Variants in MRTFB observed in about 807,000 individuals in gnomAD.
The protein encoded by MRTFB is myocardin related transcription factor B.
Under a neutral mutation model 104.2 loss-of-function variants are expected in MRTFB, and 29 were observed. The ratio of observed to expected loss-of-function variants is 0.28; its 90% CI spans 0.21 to 0.38. The LOEUF (loss-of-function observed/expected upper bound fraction) is 0.38. Among genes scored for constraint, MRTFB ranks in the 10% least tolerant of loss-of-function variants. The pLI is 1.00. For missense variants in MRTFB, 1,270 were observed against 1,341.6 expected, an observed-to-expected ratio of 0.95 and a Z score of 0.83; for synonymous variants, 535 against 519.5, an observed-to-expected ratio of 1.03 and a Z score of -0.41.
At chr16:14,030,591 C>T in the MRTFB span, among the ~76,000 whole-genome samples, 4 of 152,128 alleles carry the variant, frequency 2.6e-5, no homozygotes, top group Admixed American at 1.3e-4. Flanking sequence ...TGACTGTGTG[C>T]CAAAAACCAT....
At chr16:14,092,912 AT>A (rs1462837679) in intron 2 of MRTFB, 1 of 152,222 alleles carries the variant, frequency 6.6e-6, no homozygotes, top group Admixed American at 6.5e-5. Flanking sequence ...CCAGACTTAA[AT>A]TTTGTAGTCT....
At chr16:14,235,315 T>C (rs1231394075) in intron 9 of MRTFB, among the ~76,000 whole-genome samples, 4 of 152,176 alleles carry the variant, frequency 2.6e-5, no homozygotes, top group African/African-American at 7.2e-5. Flanking sequence ...TTGCTTAGCA[T>C]TGGAGTCGGA....
At chr16:14,052,084 G>A in the MRTFB span, among the ~76,000 whole-genome samples, 1 of 152,020 alleles carries the variant, frequency 6.6e-6, no homozygotes, top group Non-Finnish European at 1.5e-5. Flanking sequence ...CCTTACACAA[G>A]CTTAAAATGC....
At chr16:14,002,385 A>G in the MRTFB span, among the ~76,000 whole-genome samples, 2 of 145,242 alleles carry the variant, frequency 1.4e-5, no homozygotes, top group African/African-American at 2.5e-5. Context: ...TCCGTCCGGG[A>G]AAAAAAAAAA....
At chr16:14,152,719 G>T (rs1006164895) in intron 3 of MRTFB, 1 of 152,144 alleles carries the variant, frequency 6.6e-6, no homozygotes, top group African/African-American at 2.4e-5. Flanking sequence ...TCTGTGAGTG[G>T]CATGTATGAA....
At chr16:14,066,118 A>AT in the MRTFB span, among the ~76,000 whole-genome samples, 1 of 152,262 alleles carries the variant, frequency 6.6e-6, no homozygotes. Flanking sequence ...TGCTTAATAC[A>AT]TTTTTTATTG....
chr16:14,227,081 T>A (rs1385190455), intron 8 of MRTFB, among the ~76,000 whole-genome samples: 2 of 152,100 alleles, frequency 1.3e-5, no homozygotes, highest in African/African-American at 4.8e-5. Context: ...GCAAATCATA[T>A]ATCTTATAAG....
At chr16:14,147,942 T>C (rs182802808) in intron 3 of MRTFB, among the ~76,000 whole-genome samples, 3 of 152,342 alleles carry the variant, frequency 2.0e-5, no homozygotes, top group African/African-American at 7.2e-5. Context: ...TTTACTTGTT[T>C]TATGTTTACT....
At chr16:14,106,144 C>T (rs548104138) in intron 2 of MRTFB, among the ~76,000 whole-genome samples, 40 of 152,236 alleles carry the variant, frequency 2.6e-4, no homozygotes, top group African/African-American at 9.6e-4. Flanking sequence ...GGTGAAAAGG[C>T]AAGGTTCTCA....
chr16:14,024,314 GC>G, the MRTFB span, among the ~76,000 whole-genome samples: 1 of 152,180 alleles, frequency 6.6e-6, no homozygotes, highest in South Asian at 2.1e-4. Flanking sequence ...CATTTTATAA[GC>G]ACATTGAAAT....
At chr16:14,124,660 T>C (rs995437649) in intron 2 of MRTFB, among the ~76,000 whole-genome samples, 4 of 152,222 alleles carry the variant, frequency 2.6e-5, no homozygotes, top group African/African-American at 9.6e-5. Context: ...GGATTCGGTT[T>C]GCCAGTATTT....
chr16:14,091,761 G>A (rs1165258246), intron 2 of MRTFB, among the ~76,000 whole-genome samples: 1 of 151,964 alleles, frequency 6.6e-6, no homozygotes, highest in Non-Finnish European at 1.5e-5. Context: ...TTGGGAGGCC[G>A]AGGCGGGCAG....
chr16:14,117,895 C>T (rs966507392), intron 2 of MRTFB, among the ~76,000 whole-genome samples: 1 of 152,132 alleles, frequency 6.6e-6, no homozygotes, highest in Non-Finnish European at 1.5e-5. Context: ...TCAGCCTCTT[C>T]CCCCTTTTTC....
At chr16:14,197,526 A>G (rs1361017003) in intron 3 of MRTFB, among the ~76,000 whole-genome samples, 1 of 152,228 alleles carries the variant, frequency 6.6e-6, no homozygotes, top group East Asian at 1.9e-4. Flanking sequence ...TCACTTGCCC[A>G]TAGAAAATTA....
At chr16:14,049,756 G>A in the MRTFB span, among the ~76,000 whole-genome samples, 22 of 152,298 alleles carry the variant, frequency 1.4e-4, no homozygotes, top group East Asian at 3.9e-4. Context: ...TTCTTGAGAC[G>A]GAGTGTCACT....
chr16:14,034,252 T>C, the MRTFB span, among the ~76,000 whole-genome samples: 4,291 of 152,338 alleles, frequency 0.028, 202 homozygotes, highest in African/African-American at 0.097. Context: ...TTCTGGAAGC[T>C]GTGAGGGAGA....
the MRTFB span, among the ~76,000 whole-genome samples, chr16:14,058,269 C>T: frequency 0.032 from 4,815 of 152,216 alleles, 270 homozygotes; most frequent in African/African-American, 0.11. Flanking sequence ...GAATCTTTAG[C>T]AAAGTCACTT....
chr16:14,226,992 GAAAC>G (rs2042032717), intron 8 of MRTFB, among the ~76,000 whole-genome samples: 4 of 147,016 alleles, frequency 2.7e-5, no homozygotes, highest in Middle Eastern at 3.5e-3. Flanking sequence ...AAAAAAAAAA[GAAAC>G]AAGAAAAAAA....
At chr16:14,129,110 A>G (rs1456686541) in intron 2 of MRTFB, among the ~76,000 whole-genome samples, 1 of 152,204 alleles carries the variant, frequency 6.6e-6, no homozygotes, top group Non-Finnish European at 1.5e-5. Context: ...CTTATTACTC[A>G]GTAGTATTCC....
Sources: allele counts gnomAD v4.1 joint callset (sites outside exome capture counted in the v4.1 genomes callset), GRCh38; gene constraint gnomAD v4.1.1; transcripts MANE v1.5; gene names NCBI Gene and HGNC (gene_info 2026-07-23, HGNC 2026-07-21).